Variants in GRIA4 observed in about 807,000 individuals in gnomAD.
The protein encoded by GRIA4 is glutamate ionotropic receptor AMPA type subunit 4.
A neutral mutation model predicts 104.0 loss-of-function variants in GRIA4; 34 were observed. The ratio of observed to expected loss-of-function variants is 0.33; its 90% CI spans 0.25 to 0.44. The LOEUF (loss-of-function observed/expected upper bound fraction) is 0.44, where lower values mean the gene tolerates loss of function less well. GRIA4 is among the 20% of genes least tolerant of loss of function. The probability of loss-of-function intolerance (pLI) is 1.00; values close to 1 mark genes in which losing one functional copy is unlikely to be tolerated. For missense variants in GRIA4, 750 were observed against 1,096.5 expected (o/e 0.68, Z 4.46); for synonymous variants, 386 against 381.9 (o/e 1.01, Z -0.13).
intron 11 of GRIA4, 137 bp downstream of exon 11, chr11:105,919,055 T>A: frequency 1.7e-6 from 1 of 593,990 alleles, no homozygotes; most frequent in Non-Finnish European, 3.0e-6. Context: ...AGTGTTTAAA[T>A]CTTTCTCTAT....
In GRIA4 at chr11:105,703,451, C is replaced by T. The variant is rs551021708; in HGVS notation, c.248-49530C>T. 8.9e-4 allele frequency among the ~76,000 whole-genome samples: 136 copies of T among 152,066 alleles called. 3 individuals are homozygous for T. Among genetic ancestry groups the T allele is most frequent in the Admixed American group, 6.6e-5 (1 of 15,264 alleles). On this transcript the variant is annotated intron_variant, in intron 3 of 16. Coordinates refer to ENST00000282499, the MANE Select transcript of GRIA4 (RefSeq NM_000829.4). ...AAGGAAATTTATGTAGCCATAAAAA[C>T]GATAGAATTCAAAACTAAAAACCAA...
At chr11:105,638,446 C>G (rs1476467612) in intron 3 of GRIA4, among the ~76,000 whole-genome samples, 1 of 152,076 alleles carries the variant, frequency 6.6e-6, no homozygotes, top group Non-Finnish European at 1.5e-5. Context: ...ATACGTACAT[C>G]ACTTTTAAAT....
chr11:105,624,224 C>T (rs927559577), intron 3 of GRIA4, among the ~76,000 whole-genome samples: 7 of 152,212 alleles, frequency 4.6e-5, no homozygotes, highest in African/African-American at 1.7e-4. Context: ...GTACATTGTG[C>T]TGATCAGATT....
intron 3 of GRIA4, among the ~76,000 whole-genome samples, chr11:105,641,317 A>G (rs1490398966): frequency 6.6e-6 from 1 of 152,096 alleles, no homozygotes; most frequent in African/African-American, 2.4e-5. Context: ...AAATTCTTCT[A>G]TTGCATTCAA....
intron 4 of GRIA4, among the ~76,000 whole-genome samples, chr11:105,842,289 G>C (rs1466086549): frequency 1.3e-5 from 2 of 152,204 alleles, no homozygotes; most frequent in Non-Finnish European, 2.9e-5. Flanking sequence ...TTTGCCCTGA[G>C]GGACATGGAA....
rs374429710 is a variant in GRIA4, at chr11:105,773,770, TG to T, written c.487+20554del. 3.0e-4 allele frequency among the ~76,000 whole-genome samples: 45 copies of T among 151,908 alleles called. No individual in the cohort carries two copies. The East Asian group carries it at 6.4e-3, about 22-fold the overall frequency. On this transcript the variant is annotated intron_variant, in intron 4 of 16. Transcript: ENST00000282499. ...TAAACAGGGTACATTTCCACCTGGT[TG>T]GGGAGAATAAAATGACAGATACCAA...
Position 105,904,280 on chromosome 11 carries a change from G to A in GRIA4, c.1053+299G>A, listed in dbSNP as rs7937099. On this transcript the variant is annotated intron_variant, in intron 8 of 16. Coordinates refer to ENST00000282499, the MANE Select transcript of GRIA4 (RefSeq NM_000829.4). ...TATTCAGACACACGTTAGATTAGCA[G>A]GGGCTCTTGGCTAATTGTAATCACT... is the stretch of plus-strand genomic sequence containing the variant. Among the ~76,000 whole-genome samples the A allele has an allele frequency of 6.0e-3, 918 of 152,302 alleles. 6 individuals carry two copies. The highest frequency in any genetic ancestry group is 0.02 in the African/African-American group (851 of 41,556).
At chr11:105,727,943 C>T (rs1318443053) in intron 3 of GRIA4, among the ~76,000 whole-genome samples, 4 of 152,032 alleles carry the variant, frequency 2.6e-5, no homozygotes, top group African/African-American at 7.2e-5. Flanking sequence ...TAAAAACAGT[C>T]GACACTATGA....
At chr11:105,871,794 C>A (rs1036069367) in intron 5 of GRIA4, among the ~76,000 whole-genome samples, 2 of 152,032 alleles carry the variant, frequency 1.3e-5, no homozygotes, top group East Asian at 3.9e-4. Flanking sequence ...AAATGTAAAA[C>A]CCTGACCAAA....
chr11:105,889,782 C>CA (rs896028404), intron 6 of GRIA4, among the ~76,000 whole-genome samples: 1 of 151,966 alleles, frequency 6.6e-6, no homozygotes, highest in Non-Finnish European at 1.5e-5. Context: ...ACTAAGGAAT[C>CA]AAAAAATATT....
chr11:105,611,821 T>G (rs1950488895), intron 2 of GRIA4, among the ~76,000 whole-genome samples: 1 of 152,234 alleles, frequency 6.6e-6, no homozygotes, highest in East Asian at 1.9e-4. Flanking sequence ...CGGAGTTAAT[T>G]AGGCTGAGTC....
At chr11:105,955,809 AT>A (rs1189150726) in intron 14 of GRIA4, among the ~76,000 whole-genome samples, 3 of 152,158 alleles carry the variant, frequency 2.0e-5, no homozygotes, top group African/African-American at 7.2e-5. Flanking sequence ...AAAAATCACC[AT>A]TCTGACTGGC....
chr11:105,711,446 G>GA (rs923599447), intron 3 of GRIA4, among the ~76,000 whole-genome samples: 10 of 151,662 alleles, frequency 6.6e-5, no homozygotes, highest in African/African-American at 1.9e-4. Context: ...TTTAAAAAAA[G>GA]AAAAAAAATT....
chr11:105,978,644 CA>C (rs1859114817), intron 16 of GRIA4, among the ~76,000 whole-genome samples: 1 of 152,100 alleles, frequency 6.6e-6, no homozygotes, highest in Non-Finnish European at 1.5e-5. Flanking sequence ...CTTGAATTCA[CA>C]ACAGGGAATT....
intron 3 of GRIA4, among the ~76,000 whole-genome samples, chr11:105,737,205 C>T (rs1939008095): frequency 6.6e-6 from 1 of 151,912 alleles, no homozygotes; most frequent in Non-Finnish European, 1.5e-5. Context: ...ATTTCTGTTT[C>T]GTGTTGTCCT....
intron 1 of GRIA4, 37 bp from the exon 2 acceptor site, chr11:105,610,861 CTTTCTTTTCT>C (rs1242751006): frequency 9.2e-6 from 5 of 542,772 alleles, no homozygotes; most frequent in Admixed American, 4.0e-5. Context: ...TCTTTCTTTT[CTTTCTTTTCT>C]TTTTTTTTTT....
Position 105,910,491 on chromosome 11 carries a change from T to C in GRIA4, c.1215T>C (p.Leu405=). 1 of 1,603,696 alleles carries C rather than the reference T, an allele frequency of 6.2e-7. No homozygotes were observed. Among genetic ancestry groups the C allele is most frequent in the East Asian group, 2.2e-5 (1 of 44,808 alleles). Residue 405 remains leucine (L), a synonymous_variant, in exon 10 of 17, where the codon CTT becomes CTC. Coordinates refer to ENST00000282499, the MANE Select transcript of GRIA4 (RefSeq NM_000829.4). The part of the protein sequence containing the change: ...KLVLIQDVPT[L]GNDTAAIENR... ...TCTTGATTCAAGATGTACCAACTCT[T>C]GGCAATGACACAGCTGCTATTGAGA...
intron 4 of GRIA4, among the ~76,000 whole-genome samples, chr11:105,794,469 G>GTGTGTGTA (rs1427661928): frequency 1.2e-4 from 5 of 40,766 alleles, no homozygotes; most frequent in African/African-American, 4.2e-4. Flanking sequence ...GTGTGTATAT[G>GTGTGTGTA]TATGTATATA....
At chr11:105,611,937 G>GT (rs1322735990) in intron 2 of GRIA4, among the ~76,000 whole-genome samples, 3 of 152,030 alleles carry the variant, frequency 2.0e-5, no homozygotes, top group African/African-American at 7.2e-5. Context: ...TCTCTTTTCC[G>GT]CTCATCTGCA....
Sources: allele counts gnomAD v4.1 joint callset (sites outside exome capture counted in the v4.1 genomes callset), GRCh38; gene constraint gnomAD v4.1.1; transcripts MANE v1.5; gene names NCBI Gene and HGNC (gene_info 2026-07-23, HGNC 2026-07-21).